Variants in PTPRT observed in about 807,000 individuals in gnomAD.
PTPRT encodes the protein receptor-type tyrosine-protein phosphatase T.
PTPRT carries 56 observed loss-of-function variants against 176.8 expected under a neutral mutation model. The observed-to-expected ratio is 0.32, with a 90% CI of 0.26 to 0.40. The LOEUF is 0.40. Ranked by LOEUF, PTPRT falls within the 10% of genes least tolerant of loss-of-function variation. The probability of loss-of-function intolerance (pLI) is 1.00; values close to 1 mark genes in which losing one functional copy is unlikely to be tolerated. For missense variants in PTPRT, 1,540 were observed against 1,908.2 expected (o/e 0.81, Z 3.60); for synonymous variants, 783 against 739.0 (o/e 1.06, Z -0.96).
At chr20:42,800,385 T>C (rs2145582239) in intron 2 of PTPRT, among the ~76,000 whole-genome samples, 1 of 152,180 alleles carries the variant, frequency 6.6e-6, no homozygotes, top group Non-Finnish European at 1.5e-5. Context: ...GGGTAAAGAA[T>C]GGAAAGAACG....
intron 1 of PTPRT, among the ~76,000 whole-genome samples, chr20:43,131,968 T>C (rs2013658725): frequency 6.6e-6 from 1 of 151,760 alleles, no homozygotes; most frequent in Non-Finnish European, 1.5e-5. Flanking sequence ...AAAAAACACA[T>C]CTTGATAAAA....
Position 42,576,408 on chromosome 20 carries a change from C to T in PTPRT, c.1153+101458G>A, listed in dbSNP as rs529008786. Among the ~76,000 whole-genome samples, 4 of 152,272 alleles carry T rather than the reference C, an allele frequency of 2.6e-5. No individual in the cohort carries two copies. The East Asian group carries it at 7.7e-4, about 29-fold the overall frequency. On this transcript the variant is annotated intron_variant, in intron 7 of 30. Transcript: ENST00000373187. ...TTGCAGCACGGTGCCTGGCCTGCAGCTGGTGTTCCGTAAACAGCTGCTGAC... is the reference window on the plus strand; with the variant it reads ...TTGCAGCACGGTGCCTGGCCTGCAGTTGGTGTTCCGTAAACAGCTGCTGAC...
intron 2 of PTPRT, among the ~76,000 whole-genome samples, chr20:42,843,551 G>C (rs189701400): frequency 3.9e-5 from 6 of 152,224 alleles, no homozygotes; most frequent in Admixed American, 3.9e-4. Flanking sequence ...CCTGGCAAGG[G>C]TGATAACCTC....
intron 21 of PTPRT, 25 bp from the exon 22 acceptor site, chr20:42,115,340 C>CAG: frequency 6.4e-7 from 1 of 1,553,536 alleles, no homozygotes; most frequent in Non-Finnish European, 8.9e-7. Context: ...GAGACAGAGA[C>CAG]AGAGACAGAA....
At chr20:43,174,890 T>A (rs935599038) in intron 1 of PTPRT, among the ~76,000 whole-genome samples, 3 of 152,250 alleles carry the variant, frequency 2.0e-5, no homozygotes, top group African/African-American at 4.8e-5. Context: ...TTATCAAAGA[T>A]ATCCAATGAT....
At chr20:42,771,656 G>C in intron 4 of PTPRT, 106 bp from the exon 5 acceptor site, 2 of 857,830 alleles carry the variant, frequency 2.3e-6, no homozygotes, top group Non-Finnish European at 2.0e-6. Flanking sequence ...GGTGGAACTG[G>C]CACTTAAGAA....
chr20:42,667,257 G>A (rs373644847), intron 7 of PTPRT, among the ~76,000 whole-genome samples: 2 of 152,066 alleles, frequency 1.3e-5, no homozygotes, highest in Non-Finnish European at 2.9e-5. Context: ...ATTTTCATCC[G>A]GGCCATTTGA....
intron 12 of PTPRT, among the ~76,000 whole-genome samples, chr20:42,313,854 G>A (rs1310799234): frequency 6.6e-6 from 1 of 152,192 alleles, no homozygotes; most frequent in East Asian, 1.9e-4. Context: ...TGCTCTCTGT[G>A]AGGAGTGTTG....
chr20:42,084,612 C>T, intron 29 of PTPRT, 70 bp downstream of exon 29: 2 of 1,299,650 alleles, frequency 1.5e-6, no homozygotes, highest in Non-Finnish European at 2.0e-6. Flanking sequence ...GGTATGTGGC[C>T]AGCAGCATCT....
chr20:42,054,593 A>G, the PTPRT span, among the ~76,000 whole-genome samples: 9 of 152,138 alleles, frequency 5.9e-5, no homozygotes, highest in Non-Finnish European at 1.0e-4. Context: ...GGGTAGAGGT[A>G]TGAGGGGGCC....
intron 2 of PTPRT, among the ~76,000 whole-genome samples, chr20:42,824,403 G>A (rs2077955992): frequency 6.6e-6 from 1 of 151,890 alleles, no homozygotes; most frequent in Non-Finnish European, 1.5e-5. Context: ...TTAAAAGAGT[G>A]TTGTACTGAC....
At chr20:43,001,185 T>G (rs539079355) in intron 1 of PTPRT, among the ~76,000 whole-genome samples, 4 of 152,188 alleles carry the variant, frequency 2.6e-5, no homozygotes, top group African/African-American at 9.6e-5. Flanking sequence ...GAAGAACATA[T>G]TCTCAAAATA....
intron 9 of PTPRT, among the ~76,000 whole-genome samples, chr20:42,395,033 G>C (rs1487084983): frequency 6.6e-6 from 1 of 152,156 alleles, no homozygotes; most frequent in Non-Finnish European, 1.5e-5. Flanking sequence ...ACAAGTGTGA[G>C]GAAAGCAGTG....
At chr20:42,322,392 G>A (rs548828908) in intron 11 of PTPRT, among the ~76,000 whole-genome samples, 2 of 142,422 alleles carry the variant, frequency 1.4e-5, no homozygotes, top group South Asian at 4.6e-4. Flanking sequence ...AAACAGCATG[G>A]TACTGGTACC....
chr20:42,974,795 T>C (rs1049398144), intron 1 of PTPRT, among the ~76,000 whole-genome samples: 1 of 152,168 alleles, frequency 6.6e-6, no homozygotes, highest in African/African-American at 2.4e-5. Flanking sequence ...TTAACAAAAA[T>C]TAAAACAAAA....
At chr20:43,139,837 C>T (rs1254372403) in intron 1 of PTPRT, among the ~76,000 whole-genome samples, 1 of 152,182 alleles carries the variant, frequency 6.6e-6, no homozygotes, top group South Asian at 2.1e-4. Context: ...GCAGCATCGG[C>T]ATCTGGGCCT....
intron 2 of PTPRT, among the ~76,000 whole-genome samples, chr20:42,861,013 C>T (rs1199672330): frequency 6.6e-6 from 1 of 152,230 alleles, no homozygotes; most frequent in Admixed American, 6.5e-5. Context: ...TCCATCACCA[C>T]TTTCACCCAC....
At chr20:42,577,497 T>C (rs2073281915) in intron 7 of PTPRT, among the ~76,000 whole-genome samples, 1 of 152,208 alleles carries the variant, frequency 6.6e-6, no homozygotes, top group Non-Finnish European at 1.5e-5. Flanking sequence ...GTTTCTCTCC[T>C]GACCTGGATG....
chr20:42,368,126 G>C (rs1363008189), intron 9 of PTPRT, among the ~76,000 whole-genome samples: 2 of 152,128 alleles, frequency 1.3e-5, no homozygotes, highest in East Asian at 3.9e-4. Flanking sequence ...CTTTCCTTCT[G>C]GTTCAGCTGC....
Sources: allele counts gnomAD v4.1 joint callset (sites outside exome capture counted in the v4.1 genomes callset), GRCh38; gene constraint gnomAD v4.1.1; transcripts MANE v1.5; gene names NCBI Gene and HGNC (gene_info 2026-07-23, HGNC 2026-07-21).